Variants in CYP19A1 observed in about 807,000 individuals in gnomAD.
CYP19A1 encodes aromatase.
Under a neutral mutation model 44.4 loss-of-function variants are expected in CYP19A1, and 32 were observed. The observed-to-expected ratio is 0.72, with a 90% CI of 0.54 to 0.97. The LOEUF (loss-of-function observed/expected upper bound fraction) is 0.97. CYP19A1 is among the 50% of genes least tolerant of loss of function. The probability of loss-of-function intolerance (pLI) is 0.00; values close to 1 mark genes in which losing one functional copy is unlikely to be tolerated. For missense variants in CYP19A1, 598 were observed against 637.8 expected, an observed-to-expected ratio of 0.94 and a Z score of 0.67; for synonymous variants, 212 against 215.6, an observed-to-expected ratio of 0.98 and a Z score of 0.14.
intron 1 of CYP19A1, among the ~76,000 whole-genome samples, chr15:51,290,814 A>C: frequency 6.6e-6 from 1 of 152,164 alleles, no homozygotes; most frequent in East Asian, 1.9e-4. Flanking sequence ...AAGACTCTGG[A>C]CTTCCAACTG....
intron 1 of CYP19A1, among the ~76,000 whole-genome samples, chr15:51,297,925 T>C (rs1287149117): frequency 6.7e-6 from 1 of 150,308 alleles, no homozygotes; most frequent in African/African-American, 2.5e-5. Flanking sequence ...GTAGGGGTAT[T>C]ATAAAGAGGG....
chr15:51,284,534 A>G (rs1373238205), intron 1 of CYP19A1, among the ~76,000 whole-genome samples: 3 of 152,256 alleles, frequency 2.0e-5, no homozygotes, highest in African/African-American at 7.2e-5. Flanking sequence ...GGGATGCTGA[A>G]ATATCTATTC....
chr15:51,281,088 C>T (rs2035503025), intron 1 of CYP19A1, among the ~76,000 whole-genome samples: 1 of 152,214 alleles, frequency 6.6e-6, no homozygotes, highest in South Asian at 2.1e-4. Context: ...TACTGCCCAG[C>T]TGCTGCTAAC....
intron 1 of CYP19A1, among the ~76,000 whole-genome samples, chr15:51,330,886 C>A (rs2036690039): frequency 6.6e-6 from 1 of 152,068 alleles, no homozygotes; most frequent in African/African-American, 2.4e-5. Context: ...TTGTATTTTG[C>A]AAATAAGTCA....
At chr15:51,276,791 G>A (rs1035419109) in intron 1 of CYP19A1, among the ~76,000 whole-genome samples, 4 of 152,210 alleles carry the variant, frequency 2.6e-5, no homozygotes, top group Admixed American at 6.5e-5. Context: ...AGAAATACAA[G>A]TCATAAGCAG....
rs2036249700 is a variant in CYP19A1, at chr15:51,308,259, G to C, written c.-39+30236C>G. Reference sequence around the variant, plus strand: ...CAGAGCCAGCAATGAGGACAGGTGGGAGAGTAGAAGGAATGACTCTTCTCC... The same window carrying C: ...CAGAGCCAGCAATGAGGACAGGTGGCAGAGTAGAAGGAATGACTCTTCTCC... On this transcript the variant is annotated intron_variant, in intron 1 of 9. Transcript: ENST00000396402. 6.6e-5 allele frequency among the ~76,000 whole-genome samples: 10 copies of C among 152,302 alleles called. 1 individual carries two copies. In the South Asian group the frequency reaches 2.1e-3, roughly 32 times the overall value.
chr15:51,284,163 AAGC>A (rs2035622220), intron 1 of CYP19A1, among the ~76,000 whole-genome samples: 3 of 152,220 alleles, frequency 2.0e-5, no homozygotes, highest in Non-Finnish European at 4.4e-5. Context: ...CAAAACTAGG[AAGC>A]AGCACAGTGA....
At chr15:51,288,457 G>A (rs555808295) in intron 1 of CYP19A1, among the ~76,000 whole-genome samples, 1 of 152,270 alleles carries the variant, frequency 6.6e-6, no homozygotes, top group South Asian at 2.1e-4. Context: ...GAAACCTGGA[G>A]TCTTGCACCT....
intron 1 of CYP19A1, among the ~76,000 whole-genome samples, chr15:51,254,390 T>C (rs1171472301): frequency 1.3e-5 from 2 of 152,248 alleles, no homozygotes; most frequent in African/African-American, 4.8e-5. Flanking sequence ...TCTTCAGTGA[T>C]TGATTGAAGG....
chr15:51,210,234 A>G lies in CYP19A1; in HGVS notation c.*574T>C, dbSNP rs1232730146. On this transcript the variant is annotated 3_prime_UTR_variant, in exon 10 of 10. Transcript: ENST00000396402. The stretch of plus-strand genomic sequence containing the variant: ...CCACAGACAGATCATATGTAGACAA[A>G]CAGGAATTAATTGGGCTTAATTCAC... 5 of 411,012 alleles carry G rather than the reference A, an allele frequency of 1.2e-5. No individual in the cohort carries two copies. The highest frequency in any genetic ancestry group is 9.1e-5 in the South Asian group (5 of 55,210). 25.5% of individuals were successfully genotyped at this position (411,012 alleles called of 1,614,324 possible).
At chr15:51,309,301 T>G (rs1425003823) in intron 1 of CYP19A1, among the ~76,000 whole-genome samples, 4 of 152,168 alleles carry the variant, frequency 2.6e-5, no homozygotes. Context: ...GATCTCAGAT[T>G]TCTAGCCTCC....
intron 4 of CYP19A1, 144 bp from the exon 5 acceptor site, chr15:51,222,669 A>T (rs1173705639): frequency 1.4e-6 from 1 of 726,534 alleles, no homozygotes; most frequent in Non-Finnish European, 2.4e-6. Context: ...ATATTTTCGT[A>T]TGCTTTTCTG....
chr15:51,226,592 G>C (rs904929150), intron 4 of CYP19A1, among the ~76,000 whole-genome samples: 3 of 152,196 alleles, frequency 2.0e-5, no homozygotes, highest in African/African-American at 7.2e-5. Flanking sequence ...ATGGAAGGCG[G>C]CTACCTAGGT....
At chr15:51,281,636 C>T (rs1177005168) in intron 1 of CYP19A1, among the ~76,000 whole-genome samples, 1 of 152,156 alleles carries the variant, frequency 6.6e-6, no homozygotes, top group African/African-American at 2.4e-5. Flanking sequence ...GAGAGTTGGC[C>T]CCCCTCTCAG....
chr15:51,312,334 AC>A (rs1693436943), intron 1 of CYP19A1: 1 of 152,208 alleles, frequency 6.6e-6, no homozygotes, highest in South Asian at 2.1e-4. Flanking sequence ...ATGTTAACTC[AC>A]CCATATATGT....
At chr15:51,243,212 T>C (rs1218859125) in intron 1 of CYP19A1, 1 of 388,580 alleles carries the variant, frequency 2.6e-6, no homozygotes, top group Non-Finnish European at 4.8e-6. Flanking sequence ...CCTTATCATC[T>C]TGCCCTTGAG....
chr15:51,284,975 A>G (rs1566911706), intron 1 of CYP19A1, among the ~76,000 whole-genome samples: 1 of 152,150 alleles, frequency 6.6e-6, no homozygotes, highest in Non-Finnish European at 1.5e-5. Flanking sequence ...TGTGCCTTCT[A>G]TTAGAAGGGG....
chr15:51,261,046 C>G (rs2034697463), intron 1 of CYP19A1, among the ~76,000 whole-genome samples: 1 of 152,210 alleles, frequency 6.6e-6, no homozygotes, highest in African/African-American at 2.4e-5. Context: ...TGTCCACTGA[C>G]CTTCTGATCC....
chr15:51,308,847 A>G (rs1286894975), intron 1 of CYP19A1, among the ~76,000 whole-genome samples: 2 of 152,190 alleles, frequency 1.3e-5, no homozygotes, highest in African/African-American at 4.8e-5. Flanking sequence ...GGATTGCTGT[A>G]AGGGTGGTAA....
Sources: allele counts gnomAD v4.1 joint callset (sites outside exome capture counted in the v4.1 genomes callset), GRCh38; gene constraint gnomAD v4.1.1; transcripts MANE v1.5; gene names NCBI Gene and HGNC (gene_info 2026-07-23, HGNC 2026-07-21).